Variants in UGGT2 observed in about 807,000 individuals in gnomAD.
UGGT2 encodes the protein UDP-glucose glycoprotein glucosyltransferase 2.
In UGGT2, 180 loss-of-function variants were observed where a neutral mutation model predicts 192.1. That is an observed-to-expected ratio of 0.94 (90% CI 0.83 to 1.06). The LOEUF (loss-of-function observed/expected upper bound fraction) is 1.06. Ranked by LOEUF, UGGT2 falls within the 50% of genes least tolerant of loss-of-function variation. The pLI is 0.00. For missense variants in UGGT2, 1,849 were observed against 1,795.7 expected (o/e 1.03, Z -0.54); for synonymous variants, 580 against 591.0 (o/e 0.98, Z 0.27).
chr13:95,937,953 G>A (rs1282912856), intron 16 of UGGT2, among the ~76,000 whole-genome samples: 1 of 152,200 alleles, frequency 6.6e-6, no homozygotes, highest in Non-Finnish European at 1.5e-5. Flanking sequence ...CCAGTGGGAG[G>A]TAATGAAATC....
intron 36 of UGGT2, among the ~76,000 whole-genome samples, chr13:95,841,632 T>C (rs536429052): frequency 1.3e-5 from 2 of 152,346 alleles, no homozygotes; most frequent in African/African-American, 2.4e-5. Context: ...AAATATTTTG[T>C]CCCATTCTAA....
At position 95,983,816 on chromosome 13, in the gene UGGT2, C is replaced by T; in HGVS notation, c.1080G>A (p.Lys360=). The change falls in exon 10 of 39, where the codon AAG becomes AAA. Residue 360 remains lysine, a synonymous_variant. Transcript: ENST00000376747. ...AVNQHMREEI[K]ENQKDLQVRF... ...AATTCAAACAAACCTTTTGATTTTC[C>T]TTTATTTCTTCTCTCATATGTTGAT... 1.3e-6 allele frequency: 2 copies of T among 1,563,548 alleles called. No homozygotes were observed. Among genetic ancestry groups the T allele is most frequent in the Non-Finnish European group, 1.7e-6 (2 of 1,153,628 alleles).
At chr13:96,003,786 C>T (rs2051882621) in intron 5 of UGGT2, among the ~76,000 whole-genome samples, 1 of 152,092 alleles carries the variant, frequency 6.6e-6, no homozygotes, top group Non-Finnish European at 1.5e-5. Context: ...ACTGCATGAA[C>T]AATACCAGCA....
In UGGT2 at chr13:95,927,202, G is replaced by C; in HGVS notation, c.2101+11C>G. The C allele has an allele frequency of 6.2e-7, 1 of 1,611,324 alleles. No individual in the cohort carries two copies. The highest frequency in any genetic ancestry group is 8.5e-7 in the Non-Finnish European group (1 of 1,178,468). The stretch of plus-strand genomic sequence containing the variant: ...AATAAACATTTGTAGAACAGTATAG[G>C]ATTATTTTACCTGATGTAGATATTA... On this transcript the variant is annotated intron_variant, in intron 18 of 38. Coordinates refer to ENST00000376747, the MANE Select transcript of UGGT2 (RefSeq NM_020121.4).
chr13:95,827,572 C>T (rs1380164126), intron 38 of UGGT2, among the ~76,000 whole-genome samples: 1 of 152,106 alleles, frequency 6.6e-6, no homozygotes, highest in Non-Finnish European at 1.5e-5. Flanking sequence ...AATAAATGTC[C>T]AGTTTAAGCC....
intron 37 of UGGT2, among the ~76,000 whole-genome samples, chr13:95,834,707 G>A (rs962003207): frequency 3.3e-5 from 5 of 152,044 alleles, no homozygotes; most frequent in Admixed American, 2.6e-4. Context: ...TCCTTTTCCT[G>A]GGTATTGGTA....
intron 29 of UGGT2, among the ~76,000 whole-genome samples, chr13:95,869,892 CTG>C (rs1351853416): frequency 3.3e-5 from 5 of 152,096 alleles, no homozygotes; most frequent in Non-Finnish European, 5.9e-5. Flanking sequence ...AAAGAATTCA[CTG>C]TGTGTCAGAA....
chr13:95,973,518 C>T (rs2050842125), intron 10 of UGGT2, among the ~76,000 whole-genome samples: 1 of 152,190 alleles, frequency 6.6e-6, no homozygotes, highest in Non-Finnish European at 1.5e-5. Context: ...TTGGAGCTCA[C>T]TCTAAATTCA....
At chr13:95,874,195 G>T (rs1475050619) in intron 29 of UGGT2, among the ~76,000 whole-genome samples, 1 of 152,086 alleles carries the variant, frequency 6.6e-6, no homozygotes, top group East Asian at 1.9e-4. Flanking sequence ...ACTTATAAAA[G>T]GAGACATGCA....
chr13:95,923,346 A>C (rs1199941617), intron 20 of UGGT2, among the ~76,000 whole-genome samples: 1 of 148,682 alleles, frequency 6.7e-6, no homozygotes, highest in African/African-American at 2.5e-5. Flanking sequence ...GGCACGAGCC[A>C]CCATGCCTGG....
At chr13:95,849,410 G>A (rs980778696) in intron 36 of UGGT2, among the ~76,000 whole-genome samples, 1 of 151,890 alleles carries the variant, frequency 6.6e-6, no homozygotes, top group African/African-American at 2.4e-5. Flanking sequence ...GGGCGTGGTG[G>A]CAAGCGCCTG....
At chr13:95,990,532 A>G (rs2051424525) in intron 7 of UGGT2, 1 of 152,242 alleles carries the variant, frequency 6.6e-6, no homozygotes, top group Non-Finnish European at 1.5e-5. Context: ...AATTTTACCC[A>G]TTGTTAAACA....
intron 10 of UGGT2, among the ~76,000 whole-genome samples, chr13:95,976,739 T>C (rs940308949): frequency 6.6e-6 from 1 of 152,180 alleles, no homozygotes; most frequent in African/African-American, 2.4e-5. Flanking sequence ...AGAGCCCGTA[T>C]AGCCAAGACA....
chr13:95,965,963 C>T (rs904395886), intron 12 of UGGT2, among the ~76,000 whole-genome samples: 1 of 151,948 alleles, frequency 6.6e-6, no homozygotes, highest in African/African-American at 2.4e-5. Flanking sequence ...ACTAGTATAA[C>T]CACAATGGAA....
chr13:96,043,693 C>T (rs1195226787), intron 1 of UGGT2, among the ~76,000 whole-genome samples: 6 of 151,944 alleles, frequency 3.9e-5, no homozygotes, highest in Non-Finnish European at 8.8e-5. Context: ...CAAATGGACA[C>T]CAAAAGCGAG....
intron 20 of UGGT2, among the ~76,000 whole-genome samples, chr13:95,904,333 G>C (rs550970371): frequency 1.8e-4 from 28 of 151,862 alleles, no homozygotes; most frequent in African/African-American, 6.5e-4. Flanking sequence ...TAGGGTACAT[G>C]TGCACATTGT....
chr13:95,854,952 AT>A lies in UGGT2; in HGVS notation c.4009-478del, dbSNP rs1260949218. 1.1e-4 allele frequency among the ~76,000 whole-genome samples: 16 copies of A among 152,082 alleles called. No homozygotes were observed. In the East Asian group the frequency reaches 3.1e-3, roughly 29 times the overall value. ...AATAATATAAATGTTATTTTTTAAT[AT>A]GCTCAAGCCTTCTAGAAAAATATTA... is the stretch of plus-strand genomic sequence containing the variant. On this transcript the variant is annotated intron_variant, in intron 34 of 38. Transcript: ENST00000376747.
At chr13:96,035,263 CA>C (rs2052967339) in intron 1 of UGGT2, among the ~76,000 whole-genome samples, 3 of 152,142 alleles carry the variant, frequency 2.0e-5, no homozygotes, top group Admixed American at 2.0e-4. Flanking sequence ...TAAGACTGCA[CA>C]CCTACAAGCA....
chr13:95,969,747 G>A (rs75452807), intron 12 of UGGT2, among the ~76,000 whole-genome samples: 2,159 of 152,286 alleles, frequency 0.014, 27 homozygotes, highest in South Asian at 0.054. Flanking sequence ...TTTGGAGGCC[G>A]CTGCAAATTG....
Sources: gnomAD v4.1 joint callset for allele counts (sites outside exome capture counted in the v4.1 genomes callset) on GRCh38, gnomAD v4.1.1 for gene constraint, MANE v1.5 for transcripts, NCBI Gene and HGNC (gene_info 2026-07-23, HGNC 2026-07-21) for gene names.